CAST: variants seen among roughly 807,000 people sequenced by gnomAD.
CAST encodes calpastatin.
Under a neutral mutation model 119.6 loss-of-function variants are expected in CAST, and 76 were observed. The ratio of observed to expected loss-of-function variants is 0.64; its 90% CI spans 0.53 to 0.77. CAST has a LOEUF of 0.77. Among genes scored for constraint, CAST ranks in the 30% least tolerant of loss-of-function variants. The probability of loss-of-function intolerance (pLI) is 0.00; values close to 1 mark genes in which losing one functional copy is unlikely to be tolerated. For missense variants in CAST, 953 were observed against 946.5 expected, an observed-to-expected ratio of 1.01 and a Z score of -0.09; for synonymous variants, 319 against 331.6, an observed-to-expected ratio of 0.96 and a Z score of 0.41.
In CAST at chr5:96,754,651, T is replaced by G; in HGVS notation, c.1627-7T>G. On this transcript the variant is annotated splice_polypyrimidine_tract_variant and splice_region_variant and intron_variant, in intron 21 of 31. Transcript: ENST00000675179. Reference sequence around the variant, plus strand: ...GCTAACAATGAAAATGGTATAATTTTTCTCAGGAGAAGGCCAAAGAAGAAG... The same window carrying G: ...GCTAACAATGAAAATGGTATAATTTGTCTCAGGAGAAGGCCAAAGAAGAAG... 5 of 1,554,880 alleles carry G rather than the reference T, an allele frequency of 3.2e-6. No homozygotes were observed. The Middle Eastern group carries it at 5.1e-4, about 159-fold the overall frequency.
intron 1 of CAST, among the ~76,000 whole-genome samples, chr5:96,639,622 G>A (rs1219231989): frequency 6.6e-6 from 1 of 152,180 alleles, no homozygotes; most frequent in East Asian, 1.9e-4. Context: ...GCCTGGCCCC[G>A]GGAGGAGGGC....
chr5:96,394,236 G>T, the CAST span, among the ~76,000 whole-genome samples: 2 of 152,224 alleles, frequency 1.3e-5, no homozygotes, highest in African/African-American at 4.8e-5. Context: ...CAGAGATAAA[G>T]AAAATGTGGG....
At chr5:96,486,538 A>G in the CAST span, among the ~76,000 whole-genome samples, 1 of 152,152 alleles carries the variant, frequency 6.6e-6, no homozygotes, top group African/African-American at 2.4e-5. Flanking sequence ...TATCCTTAGA[A>G]CACTAAGGTT....
At chr5:96,135,190 T>A in the CAST span, among the ~76,000 whole-genome samples, 1 of 152,242 alleles carries the variant, frequency 6.6e-6, no homozygotes, top group South Asian at 2.1e-4. Flanking sequence ...TTTAAACAAA[T>A]AATTTATTTT....
the CAST span, among the ~76,000 whole-genome samples, chr5:96,270,073 A>G: frequency 6.6e-6 from 1 of 152,222 alleles, no homozygotes; most frequent in African/African-American, 2.4e-5. Flanking sequence ...CAGGGATGCA[A>G]GGATGGCTCA....
rs1486720442 is a variant in CAST, at chr5:96,534,759, A to G, written c.60+4879A>G. Among the ~76,000 whole-genome samples the G allele has an allele frequency of 2.4e-3, 134 of 55,478 alleles. 1 individual carries two copies. The highest frequency in any genetic ancestry group is 0.011 in the Middle Eastern group (1 of 88). The allele number at this position is 55,478 out of a possible 152,430, so 36.4% of individuals were successfully genotyped here. A position where few individuals can be genotyped will look rare whatever the true frequency, so the allele number is the denominator to read the frequency against. Reference sequence around the variant, plus strand: ...AGAGAGAGAAAGAAAGAAAGAAAGAAAGAAAGAAAGAAAGAAAGAAAGAAA... The same window carrying G: ...AGAGAGAGAAAGAAAGAAAGAAAGAGAGAAAGAAAGAAAGAAAGAAAGAAA... On this transcript the variant is annotated intron_variant, in intron 1 of 11. Coordinates refer to the CAST transcript ENST00000505143.
At chr5:96,685,949 C>CT (rs1449034631) in intron 2 of CAST, among the ~76,000 whole-genome samples, 2 of 152,154 alleles carry the variant, frequency 1.3e-5, no homozygotes, top group African/African-American at 4.8e-5. Context: ...TTCTTTATTT[C>CT]TTTTTTCTTT....
chr5:96,562,716 C>T (rs1302634432), intron 1 of CAST, among the ~76,000 whole-genome samples: 1 of 152,126 alleles, frequency 6.6e-6, no homozygotes, highest in African/African-American at 2.4e-5. Flanking sequence ...GATAGCAAAA[C>T]ATTGAAACTG....
the CAST span, among the ~76,000 whole-genome samples, chr5:96,258,123 G>T: frequency 6.6e-6 from 1 of 152,044 alleles, no homozygotes; most frequent in Non-Finnish European, 1.5e-5. Context: ...TTCTTTCAGG[G>T]CTTCATTTTG....
chr5:96,629,518 T>A (rs1297939007), intron 1 of CAST, among the ~76,000 whole-genome samples: 3 of 152,220 alleles, frequency 2.0e-5, no homozygotes, highest in Non-Finnish European at 2.9e-5. Context: ...CTTATAAATA[T>A]CTTGTACCAC....
At chr5:96,193,009 T>C in the CAST span, among the ~76,000 whole-genome samples, 1 of 152,234 alleles carries the variant, frequency 6.6e-6, no homozygotes, top group African/African-American at 2.4e-5. Context: ...AGATAGTAGA[T>C]TATGAAAATT....
chr5:96,141,413 C>G, the CAST span, among the ~76,000 whole-genome samples: 1 of 152,234 alleles, frequency 6.6e-6, no homozygotes. Flanking sequence ...ATAGACACCT[C>G]ACACTAGTGG....
At chr5:96,522,712 G>A (rs1336662519), upstream of CAST, among the ~76,000 whole-genome samples, 2 of 152,084 alleles carry the variant, frequency 1.3e-5, no homozygotes, top group Non-Finnish European at 2.9e-5. Flanking sequence ...GGTATTTCTG[G>A]AGGGTCCCCA....
At chr5:96,427,695 C>A in the CAST span, among the ~76,000 whole-genome samples, 1 of 152,142 alleles carries the variant, frequency 6.6e-6, no homozygotes, top group African/African-American at 2.4e-5. Context: ...TAGGTATGCT[C>A]TATTCTGTCC....
the CAST span, among the ~76,000 whole-genome samples, chr5:96,502,403 T>G: frequency 6.6e-6 from 1 of 152,108 alleles, no homozygotes; most frequent in Non-Finnish European, 1.5e-5. Context: ...CATAGCAGTA[T>G]TTCTTTTTTA....
the CAST span, among the ~76,000 whole-genome samples, chr5:96,227,887 A>G: frequency 6.6e-6 from 1 of 152,078 alleles, no homozygotes; most frequent in East Asian, 1.9e-4. Flanking sequence ...TTGGCCAACA[A>G]TGTGTAAGGG....
the CAST span, among the ~76,000 whole-genome samples, chr5:96,452,637 T>TAAAA: frequency 3.8e-4 from 7 of 18,508 alleles, no homozygotes; most frequent in Admixed American, 5.6e-4. Context: ...ACTTAAAGTA[T>TAAAA]AATAAAAAAA....
chr5:96,450,236 A>G, the CAST span, among the ~76,000 whole-genome samples: 45 of 152,350 alleles, frequency 3.0e-4, no homozygotes, highest in African/African-American at 1.0e-3. Flanking sequence ...AGATAGATAT[A>G]TACATCATGG....
At chr5:96,168,534 G>A in the CAST span, among the ~76,000 whole-genome samples, 1 of 152,172 alleles carries the variant, frequency 6.6e-6, no homozygotes, top group Non-Finnish European at 1.5e-5. Flanking sequence ...AAGAGGTAGT[G>A]GAGCGGGGCA....
Sources: allele counts gnomAD v4.1 joint callset (sites outside exome capture counted in the v4.1 genomes callset), GRCh38; gene constraint gnomAD v4.1.1; transcripts MANE v1.5; gene names NCBI Gene and HGNC (gene_info 2026-07-23, HGNC 2026-07-21).